PCDHA12: variants seen among roughly 807,000 people sequenced by gnomAD.
PCDHA12 encodes protocadherin alpha-12.
In PCDHA12, 44 loss-of-function variants were observed where a neutral mutation model predicts 60.0. The ratio of observed to expected loss-of-function variants is 0.73; its 90% CI spans 0.58 to 0.94. PCDHA12 has a LOEUF of 0.94. Among genes scored for constraint, PCDHA12 ranks in the 40% least tolerant of loss-of-function variants. PCDHA12 has a pLI of 0.00. For missense variants in PCDHA12, 1,276 were observed against 1,239.7 expected (o/e 1.03, Z -0.44); for synonymous variants, 569 against 553.0 (o/e 1.03, Z -0.40).
At chr5:140,927,511 G>A (rs1563093224) in intron 1 of PCDHA12, 1 of 1,614,120 alleles carries the variant, frequency 6.2e-7, no homozygotes, top group Non-Finnish European at 8.5e-7. Context: ...TACAGCTCGG[G>A]ACGGCGGGCT....
intron 1 of PCDHA12, chr5:140,882,822 G>A (rs782258212): frequency 6.2e-7 from 1 of 1,614,080 alleles, no homozygotes; most frequent in African/African-American, 1.3e-5. Flanking sequence ...GCACAAAACA[G>A]TCTTGAGCAA....
chr5:140,910,982 T>C (rs1204318531), intron 1 of PCDHA12, among the ~76,000 whole-genome samples: 1 of 152,130 alleles, frequency 6.6e-6, no homozygotes, highest in Non-Finnish European at 1.5e-5. Flanking sequence ...GGTTATACTC[T>C]GAACCTCACC....
In PCDHA12 at chr5:140,876,047, C is replaced by T. The variant is rs1305657261; in HGVS notation, c.575C>T (p.Pro192Leu). Residue 192 changes from proline (P) to leucine (L), a missense_variant, in exon 1 of 4, where the codon CCT becomes CTT. Coordinates refer to ENST00000398631, the MANE Select transcript of PCDHA12 (RefSeq NM_018903.4). Reference sequence around the variant, plus strand: ...ACAAAAAAAGATAAAAGTATATTGCCTGAATTAGTTCTTCGGAAGTTATTG... The same window carrying T: ...ACAAAAAAAGATAAAAGTATATTGCTTGAATTAGTTCTTCGGAAGTTATTG... ...IKTKKDKSIL[P>L]ELVLRKLLDR... is the part of the protein sequence containing the mutation. 5.0e-6 allele frequency: 8 copies of T among 1,613,744 alleles called. No homozygotes were observed. Among genetic ancestry groups the T allele is most frequent in the Non-Finnish European group, 6.8e-6 (8 of 1,179,908 alleles).
chr5:140,905,891 G>A (rs1486335678), intron 1 of PCDHA12, among the ~76,000 whole-genome samples: 2 of 152,162 alleles, frequency 1.3e-5, no homozygotes, highest in African/African-American at 4.8e-5. Context: ...TAGGCCATCT[G>A]CAAGCTGAGG....
At chr5:140,937,890 C>G (rs1209951664) in intron 1 of PCDHA12, among the ~76,000 whole-genome samples, 1 of 145,964 alleles carries the variant, frequency 6.9e-6, no homozygotes, top group Non-Finnish European at 1.5e-5. Flanking sequence ...CCAGCCTGGG[C>G]GACAGAGTGA....
At chr5:140,990,011 G>T (rs1246081885) in intron 3 of PCDHA12, among the ~76,000 whole-genome samples, 1 of 152,074 alleles carries the variant, frequency 6.6e-6, no homozygotes, top group Non-Finnish European at 1.5e-5. Context: ...CAAGGGCGTG[G>T]GCTAGGCAAA....
chr5:140,934,998 T>A (rs1242919330), intron 1 of PCDHA12, among the ~76,000 whole-genome samples: 1 of 152,198 alleles, frequency 6.6e-6, no homozygotes, highest in Non-Finnish European at 1.5e-5. Flanking sequence ...CCCTGAATCC[T>A]TTTCATGTGA....
chr5:140,882,572 T>C, intron 1 of PCDHA12: 1 of 1,614,106 alleles, frequency 6.2e-7, no homozygotes, highest in Non-Finnish European at 8.5e-7. Flanking sequence ...GAGCGCGGAG[T>C]GCAGCATCCA....
Position 141,009,957 on chromosome 5 carries a change from G to T in PCDHA12, c.*20G>T. ...CAGTGAGGTCCTCAAATGGAAACAA[G>T]CCACTTAGCCAGTTTTTGTAATAAT... On this transcript the variant is annotated 3_prime_UTR_variant, in exon 4 of 4. Coordinates refer to ENST00000398631, the MANE Select transcript of PCDHA12 (RefSeq NM_018903.4). 1 of 1,589,160 alleles carries T rather than the reference G, an allele frequency of 6.3e-7. No homozygotes were observed. Among genetic ancestry groups the T allele is most frequent in the Non-Finnish European group, 8.5e-7 (1 of 1,171,102 alleles).
intron 3 of PCDHA12, among the ~76,000 whole-genome samples, chr5:140,996,163 A>G (rs183777507): frequency 4.8e-4 from 73 of 152,326 alleles, no homozygotes; most frequent in African/African-American, 1.5e-3. Flanking sequence ...TTATACTGCA[A>G]TGTGCTGACA....
chr5:140,887,023 A>T (rs561705710), intron 1 of PCDHA12, among the ~76,000 whole-genome samples: 3 of 152,050 alleles, frequency 2.0e-5, no homozygotes, highest in South Asian at 2.1e-4. Flanking sequence ...TGCCTGAAAA[A>T]TTTCTTTAAT....
At chr5:140,883,466 A>G (rs782104317) in intron 1 of PCDHA12, 43 of 1,614,010 alleles carry the variant, frequency 2.7e-5, no homozygotes, top group Non-Finnish European at 3.5e-5. Context: ...GCTGGTGTCC[A>G]CCTACAAGAA....
intron 3 of PCDHA12, among the ~76,000 whole-genome samples, chr5:141,000,351 GTCTC>G (rs1554257240): frequency 3.0e-5 from 2 of 66,862 alleles, no homozygotes. Flanking sequence ...CTCTCTCTCT[GTCTC>G]TCTCTGTCTC....
chr5:140,968,301 A>G (rs886575781), intron 1 of PCDHA12: 9 of 1,613,914 alleles, frequency 5.6e-6, no homozygotes, highest in Non-Finnish European at 7.6e-6. Flanking sequence ...CTGGAGAGGG[A>G]GATTCAAGGG....
rs782391639 is a variant in PCDHA12, at chr5:140,877,542, A to G, written c.2070A>G (p.Glu690=). 3 of 1,613,752 alleles carry G rather than the reference A, an allele frequency of 1.9e-6. No individual in the cohort carries two copies. Among genetic ancestry groups the G allele is most frequent in the Non-Finnish European group, 2.5e-6 (3 of 1,179,898 alleles). The change falls in exon 1 of 4, where the codon GAA becomes GAG. Residue 690 remains glutamate (E), a synonymous_variant. Transcript: ENST00000398631. ...CCTCAGTGGGCGCTGTGGATCCCGAAGCGGCTCTGGTGGATATTAACGTGT... is the reference window on the plus strand; with the variant it reads ...CCTCAGTGGGCGCTGTGGATCCCGAGGCGGCTCTGGTGGATATTAACGTGT... ...SRASVGAVDP[E]AALVDINVYL...
At chr5:140,889,009 C>T (rs1030437186) in intron 1 of PCDHA12, among the ~76,000 whole-genome samples, 7 of 152,128 alleles carry the variant, frequency 4.6e-5, no homozygotes, top group Admixed American at 1.3e-4. Flanking sequence ...GCAAACCAAC[C>T]TCTACTTCCT....
intron 1 of PCDHA12, among the ~76,000 whole-genome samples, chr5:140,897,497 G>C (rs1554187423): frequency 6.6e-6 from 1 of 152,010 alleles, no homozygotes; most frequent in Admixed American, 6.6e-5. Flanking sequence ...TTTCAACCAT[G>C]TCCCTACAAA....
chr5:140,972,130 TTAC>T (rs1424151392), intron 1 of PCDHA12, among the ~76,000 whole-genome samples: 1 of 152,022 alleles, frequency 6.6e-6, no homozygotes, highest in Non-Finnish European at 1.5e-5. Flanking sequence ...TATCAGTGAG[TTAC>T]TACTATTTTT....
chr5:140,995,893 A>T (rs1038677586), intron 3 of PCDHA12, among the ~76,000 whole-genome samples: 1 of 152,182 alleles, frequency 6.6e-6, no homozygotes, highest in Non-Finnish European at 1.5e-5. Flanking sequence ...AGATTTATCA[A>T]TGTATAAAAG....
Sources: gnomAD v4.1 joint callset for allele counts (sites outside exome capture counted in the v4.1 genomes callset) on GRCh38, gnomAD v4.1.1 for gene constraint, MANE v1.5 for transcripts, NCBI Gene and HGNC (gene_info 2026-07-23, HGNC 2026-07-21) for gene names.